Variants in SHISA9 observed in about 807,000 individuals in gnomAD.
The protein encoded by SHISA9 is shisa family member 9.
Under a neutral mutation model 38.0 loss-of-function variants are expected in SHISA9, and 13 were observed. The observed-to-expected ratio is 0.34, with a 90% CI of 0.22 to 0.54. The LOEUF is 0.54. Among genes scored for constraint, SHISA9 ranks in the 20% least tolerant of loss-of-function variants. SHISA9 has a pLI of 0.91. For synonymous variants in SHISA9, 275 were observed against 242.0 expected (o/e 1.14, Z -1.27); for missense variants, 538 against 575.8 (o/e 0.93, Z 0.67).
chr16:13,303,628 G>A, the SHISA9 span, among the ~76,000 whole-genome samples: 1 of 152,150 alleles, frequency 6.6e-6, no homozygotes, highest in Non-Finnish European at 1.5e-5. Context: ...AAAGGGTGCA[G>A]GATTCCCTTT....
intron 2 of SHISA9, among the ~76,000 whole-genome samples, chr16:13,041,446 C>T (rs1217424287): frequency 6.6e-6 from 1 of 152,196 alleles, no homozygotes; most frequent in Non-Finnish European, 1.5e-5. Context: ...AACCTTTGTC[C>T]TCTCTTTGGC....
chr16:12,920,025 C>T (rs1270252030), intron 2 of SHISA9, among the ~76,000 whole-genome samples: 5 of 152,210 alleles, frequency 3.3e-5, no homozygotes, highest in East Asian at 3.9e-4. Flanking sequence ...CTCCCCCTTT[C>T]GGGGTTCAGG....
At chr16:13,026,733 T>C (rs2072927006) in intron 2 of SHISA9, among the ~76,000 whole-genome samples, 1 of 152,198 alleles carries the variant, frequency 6.6e-6, no homozygotes, top group Non-Finnish European at 1.5e-5. Flanking sequence ...TACCTGTAAA[T>C]GTGAGTAGTG....
intron 2 of SHISA9, among the ~76,000 whole-genome samples, chr16:12,972,055 G>A (rs1353705549): frequency 6.6e-6 from 1 of 151,136 alleles, no homozygotes. Flanking sequence ...GTGTGTGTGT[G>A]TGTGTGTGTG....
At chr16:13,442,063 A>G in the SHISA9 span, among the ~76,000 whole-genome samples, 2 of 152,224 alleles carry the variant, frequency 1.3e-5, no homozygotes, top group Non-Finnish European at 2.9e-5. Flanking sequence ...TGTTGGCAAG[A>G]AGCAGCCAGT....
At chr16:13,241,464 C>T (rs1441782054), downstream of SHISA9, among the ~76,000 whole-genome samples, 2 of 152,168 alleles carry the variant, frequency 1.3e-5, no homozygotes, top group African/African-American at 4.8e-5. Flanking sequence ...CGAGATCACA[C>T]CATTGCATTC....
chr16:13,068,841 T>C (rs568134454), intron 2 of SHISA9, among the ~76,000 whole-genome samples: 1 of 151,472 alleles, frequency 6.6e-6, no homozygotes, highest in Non-Finnish European at 1.5e-5. Context: ...TATGCATGTA[T>C]GTGTATATAT....
the SHISA9 span, among the ~76,000 whole-genome samples, chr16:13,427,117 C>T: frequency 6.6e-6 from 1 of 152,154 alleles, no homozygotes; most frequent in Non-Finnish European, 1.5e-5. Flanking sequence ...GCTGGCATTG[C>T]AAGAGGGGAA....
At chr16:13,451,256 C>G in the SHISA9 span, among the ~76,000 whole-genome samples, 2 of 152,142 alleles carry the variant, frequency 1.3e-5, no homozygotes, top group Admixed American at 1.3e-4. Flanking sequence ...GATAACACAC[C>G]CTTTATGGTC....
At chr16:13,448,108 A>G in the SHISA9 span, among the ~76,000 whole-genome samples, 1 of 152,166 alleles carries the variant, frequency 6.6e-6, no homozygotes, top group Non-Finnish European at 1.5e-5. Context: ...TGCCAGACAC[A>G]TACACCATCG....
At chr16:12,952,136 C>T (rs996178517) in intron 2 of SHISA9, among the ~76,000 whole-genome samples, 2 of 152,188 alleles carry the variant, frequency 1.3e-5, no homozygotes, top group African/African-American at 2.4e-5. Context: ...GAGCAATTAA[C>T]ATATAATGCC....
chr16:13,351,366 G>A, the SHISA9 span, among the ~76,000 whole-genome samples: 2 of 150,284 alleles, frequency 1.3e-5, no homozygotes, highest in East Asian at 2.0e-4. Context: ...CTAACCTTCA[G>A]TTCACTGACT....
the SHISA9 span, among the ~76,000 whole-genome samples, chr16:13,276,950 T>C: frequency 1.3e-5 from 2 of 152,164 alleles, no homozygotes; most frequent in African/African-American, 4.8e-5. Flanking sequence ...TTGTTTTTAT[T>C]GCATTTGCTT....
At chr16:13,562,718 T>C in the SHISA9 span, 6 of 151,340 alleles carry the variant, frequency 4.0e-5, no homozygotes, top group Admixed American at 4.0e-4. Flanking sequence ...AACCTTACGA[T>C]GGAGGCAGAA....
At chr16:13,050,787 A>G (rs987471352) in intron 2 of SHISA9, among the ~76,000 whole-genome samples, 32 of 152,352 alleles carry the variant, frequency 2.1e-4, no homozygotes, top group African/African-American at 7.5e-4. Context: ...GAACTCAGTC[A>G]TTCTGCTTCT....
chr16:13,399,534 G>C, the SHISA9 span, among the ~76,000 whole-genome samples: 1 of 152,228 alleles, frequency 6.6e-6, no homozygotes, highest in Non-Finnish European at 1.5e-5. Flanking sequence ...TTCAAGACCG[G>C]TCCACTCATG....
rs368491147 is a variant in SHISA9 at position 13,190,040 on chromosome 16, T to A, written c.692-13354T>A. Among the ~76,000 whole-genome samples the A allele has an allele frequency of 4.0e-5, 6 of 151,602 alleles. No homozygotes were observed. In the East Asian group the frequency reaches 1.2e-3, roughly 29 times the overall value. On this transcript the variant is annotated intron_variant, in intron 2 of 4. Coordinates refer to ENST00000558583, the MANE Select transcript of SHISA9 (RefSeq NM_001145204.3). ...CTCCTGTTAATAGTATCTCATTAAATTGGATGAAGTGGCTGCTGTGGGCAT... is the reference window on the plus strand; with the variant it reads ...CTCCTGTTAATAGTATCTCATTAAAATGGATGAAGTGGCTGCTGTGGGCAT...
At chr16:13,110,858 C>T (rs1261938058) in intron 2 of SHISA9, among the ~76,000 whole-genome samples, 1 of 152,162 alleles carries the variant, frequency 6.6e-6, no homozygotes, top group Non-Finnish European at 1.5e-5. Flanking sequence ...ACTTGGGCTC[C>T]TTAGTGGTAA....
At chr16:13,081,254 G>C (rs16961117) in intron 2 of SHISA9, among the ~76,000 whole-genome samples, 3,178 of 152,284 alleles carry the variant, frequency 0.021, 49 homozygotes, top group Admixed American at 0.047. Context: ...GGACTTTTCA[G>C]TCATTTTGTA....
Sources: allele counts gnomAD v4.1 joint callset (sites outside exome capture counted in the v4.1 genomes callset), GRCh38; gene constraint gnomAD v4.1.1; transcripts MANE v1.5; gene names NCBI Gene and HGNC (gene_info 2026-07-23, HGNC 2026-07-21).